OTOGL: variants seen among roughly 807,000 people sequenced by gnomAD.
The protein encoded by OTOGL is otogelin-like protein.
A neutral mutation model predicts 318.5 loss-of-function variants in OTOGL; 285 were observed. That is an observed-to-expected ratio of 0.89 (90% confidence interval 0.81 to 0.99). OTOGL has a LOEUF of 0.99. Ranked by LOEUF, OTOGL falls within the 50% of genes least tolerant of loss-of-function variation. The probability of loss-of-function intolerance (pLI) is 0.00; values close to 1 mark genes in which losing one functional copy is unlikely to be tolerated. For missense variants in OTOGL, 2,899 were observed against 2,845.6 expected, an observed-to-expected ratio of 1.02 and a Z score of -0.43; for synonymous variants, 987 against 936.5, an observed-to-expected ratio of 1.05 and a Z score of -0.99.
At chr12:80,296,157 A>G (rs1399415513) in intron 26 of OTOGL, among the ~76,000 whole-genome samples, 5 of 152,346 alleles carry the variant, frequency 3.3e-5, no homozygotes, top group African/African-American at 1.2e-4. Flanking sequence ...TTTCTTTACA[A>G]GTGGCATCAA....
chr12:80,363,229 G>T lies in OTOGL; in HGVS notation c.6268-3345G>T, dbSNP rs548407558. ...AAGATAAGTTATGGGCAGTCATCAT[G>T]CCAGACACTTGAAAAAACACAATCC... is the stretch of plus-strand genomic sequence containing the variant. On this transcript the variant is annotated intron_variant, in intron 52 of 58. Transcript: ENST00000547103. Among the ~76,000 whole-genome samples the T allele has an allele frequency of 3.0e-4, 45 of 152,270 alleles. 1 individual carries two copies. The Middle Eastern group carries it at 0.014, about 46-fold the overall frequency.
intron 4 of OTOGL, among the ~76,000 whole-genome samples, chr12:80,217,073 G>GTTT (rs1251808354): frequency 6.6e-6 from 1 of 152,170 alleles, no homozygotes; most frequent in Non-Finnish European, 1.5e-5. Flanking sequence ...TTCTGTGGAT[G>GTTT]TTTTCTTTAC....
At chr12:80,165,566 T>A (rs989211429) in intron 1 of OTOGL, among the ~76,000 whole-genome samples, 1 of 152,218 alleles carries the variant, frequency 6.6e-6, no homozygotes, top group Non-Finnish European at 1.5e-5. Context: ...ATGAAAAGGA[T>A]CAACTGAGCT....
chr12:80,366,264 A>G (rs893856409), intron 52 of OTOGL: 4 of 443,946 alleles, frequency 9.0e-6, no homozygotes, highest in Non-Finnish European at 1.8e-5. Context: ...TGTGTATACT[A>G]TAGCAGCCTT....
chr12:80,320,290 T>G, intron 33 of OTOGL, 132 bp from the exon 34 acceptor site: 1 of 764,306 alleles, frequency 1.3e-6, no homozygotes, highest in African/African-American at 1.8e-5. Context: ...ATTTGTGAAA[T>G]CTTAGTTATT....
intron 30 of OTOGL, among the ~76,000 whole-genome samples, chr12:80,311,972 CAT>C (rs1183304882): frequency 6.6e-6 from 1 of 152,060 alleles, no homozygotes; most frequent in Non-Finnish European, 1.5e-5. Flanking sequence ...AAATTTTCCA[CAT>C]GACCAATGCA....
intron 37 of OTOGL, among the ~76,000 whole-genome samples, chr12:80,329,957 G>A (rs1288237902): frequency 1.3e-5 from 2 of 152,134 alleles, no homozygotes; most frequent in Non-Finnish European, 2.9e-5. Flanking sequence ...TTATTTTGGA[G>A]GTGTGGTGTC....
In OTOGL at chr12:80,103,379, C is replaced by A. The variant is rs1869261001; in HGVS notation, c.-20+3774C>A. 8.5e-6 allele frequency: 8 copies of A among 944,336 alleles called. No individual in the cohort carries two copies. The South Asian group carries it at 1.2e-4, about 14-fold the overall frequency. The allele number at this position is 944,336 out of a possible 1,614,324, so 58.5% of individuals were successfully genotyped here. A position where few individuals can be genotyped will look rare whatever the true frequency, so the allele number is the denominator to read the frequency against. On this transcript the variant is annotated intron_variant, in intron 1 of 58. Coordinates refer to ENST00000547103, the MANE Select transcript of OTOGL (RefSeq NM_001378609.3). ...TGATCGATCTTCTTTTCTTTTCTTG[C>A]AGGCTTCACATTCCTTTTGACTGTG...
At chr12:80,194,162 G>C (rs898217791) in intron 1 of OTOGL, among the ~76,000 whole-genome samples, 9 of 152,174 alleles carry the variant, frequency 5.9e-5, no homozygotes, top group African/African-American at 2.2e-4. Context: ...ATGTGACCTA[G>C]TCAGGCACTC....
chr12:80,145,555 C>T (rs192736685), intron 1 of OTOGL, among the ~76,000 whole-genome samples: 5 of 151,528 alleles, frequency 3.3e-5, no homozygotes, highest in Admixed American at 1.3e-4. Flanking sequence ...TTTTTTGGTG[C>T]CATATGAACT....
intron 26 of OTOGL, among the ~76,000 whole-genome samples, chr12:80,280,469 T>C (rs1884146378): frequency 6.6e-6 from 1 of 152,018 alleles, no homozygotes. Context: ...GGTTGATTTT[T>C]GTATTTAATG....
intron 26 of OTOGL, among the ~76,000 whole-genome samples, chr12:80,293,287 A>C (rs1885169349): frequency 6.6e-6 from 1 of 152,224 alleles, no homozygotes; most frequent in South Asian, 2.1e-4. Context: ...AGAGAAAACC[A>C]AATTTTACCT....
intron 44 of OTOGL, among the ~76,000 whole-genome samples, chr12:80,346,722 T>C (rs1020664833): frequency 6.6e-6 from 1 of 152,182 alleles, no homozygotes; most frequent in Non-Finnish European, 1.5e-5. Context: ...AAAATGATGA[T>C]GGATTCTGCT....
At chr12:80,230,974 TC>T (rs1879309563) in intron 8 of OTOGL, among the ~76,000 whole-genome samples, 1 of 152,236 alleles carries the variant, frequency 6.6e-6, no homozygotes, top group Admixed American at 6.5e-5. Context: ...CTGGCATCCT[TC>T]TGTGTTATAA....
intron 1 of OTOGL, among the ~76,000 whole-genome samples, chr12:80,190,682 A>G (rs994706353): frequency 6.6e-6 from 1 of 151,050 alleles, no homozygotes; most frequent in South Asian, 2.1e-4. Context: ...AGCTACTCGG[A>G]AGGCTGAGGC....
chr12:80,136,435 C>G (rs1001967585), intron 1 of OTOGL, among the ~76,000 whole-genome samples: 1 of 152,204 alleles, frequency 6.6e-6, no homozygotes, highest in Non-Finnish European at 1.5e-5. Context: ...TCCCTGCCAT[C>G]CCCTGGTCCT....
At position 80,369,280 on chromosome 12, in the gene OTOGL, G is replaced by A. The variant is rs565123623; in HGVS notation, c.6615+971G>A. On this transcript the variant is annotated intron_variant, in intron 55 of 58. Coordinates refer to ENST00000547103, the MANE Select transcript of OTOGL (RefSeq NM_001378609.3). ...AAATATCTAAGAGCGTGTAATGTAAGGTTTCATGTCTTTAAAGTGCCTTCT... is the reference window on the plus strand; with the variant it reads ...AAATATCTAAGAGCGTGTAATGTAAAGTTTCATGTCTTTAAAGTGCCTTCT... Among the ~76,000 whole-genome samples, 16 of 152,080 alleles carry A rather than the reference G, an allele frequency of 1.1e-4. No individual in the cohort carries two copies. In the South Asian group the frequency reaches 3.1e-3, roughly 30 times the overall value.
At chr12:80,128,816 C>T (rs372638590) in intron 1 of OTOGL, among the ~76,000 whole-genome samples, 1 of 152,218 alleles carries the variant, frequency 6.6e-6, no homozygotes, top group African/African-American at 2.4e-5. Context: ...AGCGAGGCTT[C>T]GTAGGCATAG....
intron 1 of OTOGL, among the ~76,000 whole-genome samples, chr12:80,168,395 A>G (rs937979682): frequency 2.0e-5 from 3 of 152,320 alleles, no homozygotes; most frequent in Non-Finnish European, 2.9e-5. Context: ...GTCCACGTAT[A>G]GTTCAACCAG....
Sources: gnomAD v4.1 joint callset for allele counts (sites outside exome capture counted in the v4.1 genomes callset) on GRCh38, gnomAD v4.1.1 for gene constraint, MANE v1.5 for transcripts, NCBI Gene and HGNC (gene_info 2026-07-23, HGNC 2026-07-21) for gene names.